Variants in NSMCE1 observed in about 807,000 individuals in gnomAD.
NSMCE1 encodes NSE1 component of SMC5/6 complex, also known as non-structural maintenance of chromosomes element 1 homolog.
NSMCE1 carries 18 observed loss-of-function variants against 29.6 expected under a neutral mutation model. The observed-to-expected ratio is 0.61, with a 90% confidence interval of 0.42 to 0.90. The LOEUF is 0.90. Ranked by LOEUF, NSMCE1 falls within the 40% of genes least tolerant of loss-of-function variation. The pLI is 0.00. For missense variants in NSMCE1, 314 were observed against 343.6 expected, an observed-to-expected ratio of 0.91 and a Z score of 0.68; for synonymous variants, 124 against 133.4, an observed-to-expected ratio of 0.93 and a Z score of 0.49.
Position 27,234,274 on chromosome 16 carries a change from T to C in NSMCE1, c.259-9A>G, listed in dbSNP as rs1567274165. 1 of 1,598,732 alleles carries C rather than the reference T, an allele frequency of 6.3e-7. No homozygotes were observed. The highest frequency in any genetic ancestry group is 1.7e-5 in the Admixed American group (1 of 60,014). ...GTTGTAGCAAGATTCACCTAAGAAA[T>C]AAGTCAGCACGACAGTCAGGCTGTG... On this transcript the variant is annotated splice_polypyrimidine_tract_variant and intron_variant, in intron 3 of 7. Transcript: ENST00000361439.
intron 5 of NSMCE1, among the ~76,000 whole-genome samples, chr16:27,228,283 G>C (rs950224340): frequency 1.3e-5 from 2 of 152,154 alleles, no homozygotes; most frequent in African/African-American, 4.8e-5. Flanking sequence ...TGCGGGAACA[G>C]TGGAGGGAGG....
chr16:27,231,022 T>A (rs563215732), intron 5 of NSMCE1, among the ~76,000 whole-genome samples: 1 of 152,204 alleles, frequency 6.6e-6, no homozygotes. Flanking sequence ...GGTGGCAGCA[T>A]GTGCTAGGCA....
chr16:27,229,194 G>A (rs745454877), intron 5 of NSMCE1, among the ~76,000 whole-genome samples: 28 of 152,206 alleles, frequency 1.8e-4, no homozygotes, highest in African/African-American at 5.3e-4. Context: ...GGCCACTGCC[G>A]GGCTGATGAT....
chr16:27,267,987 C>T (rs1416901528), intron 1 of NSMCE1, among the ~76,000 whole-genome samples: 1 of 152,102 alleles, frequency 6.6e-6, no homozygotes, highest in African/African-American at 2.4e-5. Flanking sequence ...AGGTGATCCG[C>T]CCCCCTCAGC....
intron 2 of NSMCE1, among the ~76,000 whole-genome samples, chr16:27,246,576 T>C (rs2083960808): frequency 6.6e-6 from 1 of 152,196 alleles, no homozygotes; most frequent in Admixed American, 6.5e-5. Context: ...CTGCCACCTC[T>C]GCCTCCCGGG....
At chr16:27,228,460 T>C (rs967006834) in intron 5 of NSMCE1, among the ~76,000 whole-genome samples, 3 of 151,892 alleles carry the variant, frequency 2.0e-5, no homozygotes, top group Non-Finnish European at 4.4e-5. Context: ...AAATCCATCA[T>C]GGCACCCCAC....
intron 1 of NSMCE1, among the ~76,000 whole-genome samples, chr16:27,259,741 G>A (rs2084134193): frequency 6.6e-6 from 1 of 152,072 alleles, no homozygotes; most frequent in African/African-American, 2.4e-5. Flanking sequence ...ATCCACCTAG[G>A]CTCATCCTAA....
At position 27,264,747 on chromosome 16, in the gene NSMCE1, C is replaced by T. The variant is rs569156401; in HGVS notation, c.-12+3959G>A. Among the ~76,000 whole-genome samples the T allele has an allele frequency of 1.5e-4, 23 of 152,132 alleles. No individual in the cohort carries two copies. The South Asian group carries it at 4.2e-3, about 27-fold the overall frequency. On this transcript the variant is annotated intron_variant, in intron 1 of 7. Transcript: ENST00000361439. ...ATTTCTTTAAGAGATATAAAAAGTA[C>T]AGGTCATAAAGGAATATACTGATAA...
intron 2 of NSMCE1, among the ~76,000 whole-genome samples, chr16:27,238,685 T>C (rs1349795922): frequency 6.6e-6 from 1 of 151,916 alleles, no homozygotes; most frequent in Non-Finnish European, 1.5e-5. Context: ...AGAGAACCCC[T>C]ATCAGCCAGA....
rs766230342 is a variant in NSMCE1, at chr16:27,227,460, CCATCATG to C, written c.484-631_484-625del. On this transcript the variant is annotated intron_variant, in intron 5 of 7. Coordinates refer to ENST00000361439, the MANE Select transcript of NSMCE1 (RefSeq NM_145080.4). ...GTTCCCATGCCAGGGTGCGGTCCAC[CCATCATG>C]CATCCTGAAATCCCTGGGAGAGCCC... 1.0e-3 allele frequency among the ~76,000 whole-genome samples: 153 copies of C among 152,318 alleles called. 2 individuals carry two copies. The highest frequency in any genetic ancestry group is 1.3e-3 in the Non-Finnish European group (88 of 68,026).
chr16:27,255,285 C>G (rs540221245), intron 2 of NSMCE1, among the ~76,000 whole-genome samples: 2 of 152,172 alleles, frequency 1.3e-5, no homozygotes, highest in Admixed American at 6.5e-5. Flanking sequence ...GGTACAACTG[C>G]GGCGCATCTA....
chr16:27,241,188 G>A (rs1015830464), intron 2 of NSMCE1, among the ~76,000 whole-genome samples: 1 of 152,212 alleles, frequency 6.6e-6, no homozygotes, highest in African/African-American at 2.4e-5. Context: ...GATTCACTGT[G>A]CACTTGGGCA....
chr16:27,253,863 G>A (rs941736516), intron 2 of NSMCE1, among the ~76,000 whole-genome samples: 3 of 152,140 alleles, frequency 2.0e-5, no homozygotes, highest in Non-Finnish European at 2.9e-5. Flanking sequence ...CGAAAGGCTC[G>A]ACCCAAGGCC....
intron 2 of NSMCE1, among the ~76,000 whole-genome samples, chr16:27,257,133 T>C (rs2084096067): frequency 6.6e-6 from 1 of 152,224 alleles, no homozygotes; most frequent in Non-Finnish European, 1.5e-5. Flanking sequence ...GTACAATTAC[T>C]ATCCTCACTT....
chr16:27,240,683 G>A (rs2083884248), intron 2 of NSMCE1, among the ~76,000 whole-genome samples: 1 of 152,200 alleles, frequency 6.6e-6, no homozygotes, highest in Non-Finnish European at 1.5e-5. Flanking sequence ...GAACAAAACA[G>A]GACACTTCTC....
chr16:27,245,461 G>A lies in NSMCE1; in HGVS notation c.137-10162C>T, dbSNP rs148304840. 6.6e-4 allele frequency among the ~76,000 whole-genome samples: 101 copies of A among 152,316 alleles called. 1 individual carries two copies. The highest frequency in any genetic ancestry group is 2.4e-3 in the Admixed American group (37 of 15,294). On this transcript the variant is annotated intron_variant, in intron 2 of 7. Coordinates refer to ENST00000361439, the MANE Select transcript of NSMCE1 (RefSeq NM_145080.4). ...TGCTTAGGGGAGCGTGAAGCGCACAGAAATCCTGGCTCAGCAACTCCATGC... is the reference window on the plus strand; with the variant it reads ...TGCTTAGGGGAGCGTGAAGCGCACAAAAATCCTGGCTCAGCAACTCCATGC...
chr16:27,257,908 C>A (rs2084105656), intron 1 of NSMCE1, among the ~76,000 whole-genome samples: 1 of 152,268 alleles, frequency 6.6e-6, no homozygotes, highest in African/African-American at 2.4e-5. Context: ...ACGTCCTCTG[C>A]AGAACTGCTA....
chr16:27,233,237 A>G, intron 4 of NSMCE1, 90 bp from the exon 5 acceptor site: 3 of 1,109,014 alleles, frequency 2.7e-6, no homozygotes, highest in Non-Finnish European at 3.9e-6. Context: ...AGGCACAGTA[A>G]AACCACTCAG....
rs2083804922 is a variant in NSMCE1, at chr16:27,235,169, G to A, written c.258+9C>T. 6.2e-7 allele frequency: 1 copy of A among 1,612,920 alleles called. No homozygotes were observed. On this transcript the variant is annotated intron_variant, in intron 3 of 7. Transcript: ENST00000361439. ...AAAATGCCACTAGAGGGCTCTGCCGGGCACTCACCAACGCATAAATGGGTC... is the reference window on the plus strand; with the variant it reads ...AAAATGCCACTAGAGGGCTCTGCCGAGCACTCACCAACGCATAAATGGGTC...
Sources: allele counts gnomAD v4.1 joint callset (sites outside exome capture counted in the v4.1 genomes callset), GRCh38; gene constraint gnomAD v4.1.1; transcripts MANE v1.5; gene names NCBI Gene and HGNC (gene_info 2026-07-23, HGNC 2026-07-21).